Variants in ZNF83 observed in about 807,000 individuals in gnomAD.
The protein encoded by ZNF83 is zinc finger protein 816B.
For missense variants in ZNF83, 552 were observed against 629.9 expected (o/e 0.88, Z 1.32); for synonymous variants, 209 against 213.0 (o/e 0.98, Z 0.17).
intron 1 of ZNF83, among the ~76,000 whole-genome samples, chr19:52,676,000 C>A (rs1464049781): frequency 1.3e-5 from 2 of 152,218 alleles, no homozygotes; most frequent in South Asian, 4.1e-4. Flanking sequence ...GACAGCCTGA[C>A]CAACATGGTG....
chr19:52,671,691 C>T (rs2061728962), intron 1 of ZNF83, among the ~76,000 whole-genome samples: 1 of 152,158 alleles, frequency 6.6e-6, no homozygotes, highest in African/African-American at 2.4e-5. Context: ...GATCAACCCA[C>T]CTTTGCTTCC....
At chr19:52,632,887 T>G (rs1319939943) in intron 2 of ZNF83, among the ~76,000 whole-genome samples, 3 of 152,098 alleles carry the variant, frequency 2.0e-5, no homozygotes, top group African/African-American at 4.8e-5. Context: ...CAGCTTAGTC[T>G]CTCCCACTCT....
At chr19:52,664,890 C>G (rs915658007) in intron 1 of ZNF83, among the ~76,000 whole-genome samples, 4 of 152,100 alleles carry the variant, frequency 2.6e-5, no homozygotes, top group South Asian at 4.1e-4. Context: ...ACCAGTGAGG[C>G]TGGAACAGCT....
At chr19:52,689,658 TC>T (rs2062111494) in intron 1 of ZNF83, among the ~76,000 whole-genome samples, 1 of 152,144 alleles carries the variant, frequency 6.6e-6, no homozygotes, top group South Asian at 2.1e-4. Flanking sequence ...ACTTTTGCTG[TC>T]TCTTGGCAAA....
chr19:52,660,304 T>C (rs934836342), intron 2 of ZNF83, among the ~76,000 whole-genome samples: 1 of 152,104 alleles, frequency 6.6e-6, no homozygotes, highest in African/African-American at 2.4e-5. Flanking sequence ...TGCCCCAACT[T>C]GCAGGAAACT....
rs1568589208 is a variant in ZNF83, at chr19:52,687,645, ATATATATATATAATG to A, written c.-283+2783_-283+2797del. Among the ~76,000 whole-genome samples the A allele has an allele frequency of 2.2e-3, 58 of 26,896 alleles. 2 individuals carry two copies. In the African/African-American group the frequency reaches 0.023, roughly 10 times the overall value. The allele number at this position is 26,896 out of a possible 152,430, so 17.6% of individuals were successfully genotyped here. On this transcript the variant is annotated intron_variant, in intron 1 of 5. Coordinates refer to the ZNF83 transcript ENST00000594682. ...ATATATATATAATGTATATATATAT[ATATATATATATAATG>A]TATATATATATATAACTAGCCGGGC...
chr19:52,630,055 A>G (rs62118493), intron 2 of ZNF83, among the ~76,000 whole-genome samples: 2,518 of 152,086 alleles, frequency 0.017, 44 homozygotes, highest in Middle Eastern at 0.054. Flanking sequence ...TACAAGTGCC[A>G]GAAATCTGGC....
At chr19:52,633,173 G>A (rs974244176) in intron 2 of ZNF83, among the ~76,000 whole-genome samples, 3 of 151,940 alleles carry the variant, frequency 2.0e-5, no homozygotes, top group Non-Finnish European at 2.9e-5. Context: ...GCTCATCCTG[G>A]CTCAAAAGCT....
chr19:52,687,455 TA>T (rs2062042663), intron 1 of ZNF83, among the ~76,000 whole-genome samples: 1 of 93,530 alleles, frequency 1.1e-5, no homozygotes, highest in Non-Finnish European at 2.0e-5. Flanking sequence ...TAAATTATAA[TA>T]TAAATTATAA....
chr19:52,629,544 G>A (rs1167298008), intron 2 of ZNF83, among the ~76,000 whole-genome samples: 3 of 152,018 alleles, frequency 2.0e-5, no homozygotes, highest in East Asian at 1.9e-4. Context: ...GCTCACACCC[G>A]GTCCGGCTTA....
At chr19:52,623,021 C>T (rs1394481903) in intron 2 of ZNF83, among the ~76,000 whole-genome samples, 1 of 138,442 alleles carries the variant, frequency 7.2e-6, no homozygotes, top group Non-Finnish European at 1.6e-5. Context: ...CAGGATCTTG[C>T]TTCAAGTGCC....
intron 2 of ZNF83, among the ~76,000 whole-genome samples, chr19:52,628,003 C>T (rs1273449486): frequency 6.6e-6 from 1 of 152,106 alleles, no homozygotes; most frequent in Non-Finnish European, 1.5e-5. Flanking sequence ...TACGTTGTGA[C>T]ACCCACTCCT....
intron 1 of ZNF83, among the ~76,000 whole-genome samples, chr19:52,682,294 A>C (rs2061935221): frequency 6.6e-6 from 1 of 152,180 alleles, no homozygotes; most frequent in African/African-American, 2.4e-5. Flanking sequence ...CCAAGATGGG[A>C]GGATCCCTAG....
At chr19:52,677,904 A>T (rs917898568) in intron 1 of ZNF83, among the ~76,000 whole-genome samples, 1 of 151,446 alleles carries the variant, frequency 6.6e-6, no homozygotes, top group Non-Finnish European at 1.5e-5. Context: ...GCATGGTGGC[A>T]CGTGCCCATC....
chr19:52,655,583 G>T, exon 3 of ZNF83: 2 of 1,502,614 alleles, frequency 1.3e-6, no homozygotes, highest in South Asian at 1.1e-5. Context: ...GGTTCCTGTA[G>T]TTCTCCAACA....
At chr19:52,683,945 T>C (rs10404475) in intron 1 of ZNF83, among the ~76,000 whole-genome samples, 61,784 of 151,820 alleles carry the variant, frequency 0.41, 12,885 homozygotes, top group Middle Eastern at 0.5. Flanking sequence ...TGCAGAAGGG[T>C]GTTTCTGGGC....
At chr19:52,684,931 G>A (rs570749192) in intron 1 of ZNF83, among the ~76,000 whole-genome samples, 24 of 152,290 alleles carry the variant, frequency 1.6e-4, no homozygotes, top group South Asian at 1.2e-3. Context: ...TGGGGAACAC[G>A]GGAAGCCGGT....
At chr19:52,644,953 T>A (rs1441284846) in intron 3 of ZNF83, among the ~76,000 whole-genome samples, 2 of 144,526 alleles carry the variant, frequency 1.4e-5, no homozygotes, top group African/African-American at 5.2e-5. Context: ...GAGGTTGTGG[T>A]GAGCTGAGAT....
chr19:52,665,451 G>T (rs1311750030), intron 1 of ZNF83, among the ~76,000 whole-genome samples: 1 of 151,942 alleles, frequency 6.6e-6, no homozygotes, highest in African/African-American at 2.4e-5. Context: ...CCTTGTAACA[G>T]TGCATATAAA....
Sources: allele counts gnomAD v4.1 joint callset (sites outside exome capture counted in the v4.1 genomes callset), GRCh38; gene constraint gnomAD v4.1.1; transcripts MANE v1.5; gene names NCBI Gene and HGNC (gene_info 2026-07-23, HGNC 2026-07-21).